Variants in MDGA2 observed in about 807,000 individuals in gnomAD.
MDGA2 encodes MAM domain-containing glycosylphosphatidylinositol anchor protein 2.
In MDGA2, 40 loss-of-function variants were observed where a neutral mutation model predicts 117.8. The observed-to-expected ratio is 0.34, with a 90% confidence interval of 0.26 to 0.44. The LOEUF (loss-of-function observed/expected upper bound fraction) is 0.44. MDGA2 is among the 20% of genes least tolerant of loss of function. The pLI, the probability that MDGA2 is intolerant of heterozygous loss-of-function variation, is 1.00. For missense variants in MDGA2, 1,123 were observed against 1,250.6 expected, an observed-to-expected ratio of 0.90 and a Z score of 1.54; for synonymous variants, 452 against 439.0, an observed-to-expected ratio of 1.03 and a Z score of -0.37.
chr14:47,488,485 T>C (rs749583189), intron 1 of MDGA2, among the ~76,000 whole-genome samples: 5 of 152,140 alleles, frequency 3.3e-5, no homozygotes, highest in Non-Finnish European at 7.4e-5. Context: ...TGAATGCCAC[T>C]TCTTTTATAA....
intron 1 of MDGA2, among the ~76,000 whole-genome samples, chr14:47,535,327 G>C (rs551534253): frequency 2.0e-5 from 3 of 152,212 alleles, no homozygotes; most frequent in Non-Finnish European, 4.4e-5. Context: ...TGGGCATGCA[G>C]ATGTAAGTTA....
intron 10 of MDGA2, among the ~76,000 whole-genome samples, chr14:46,910,769 T>C (rs891545701): frequency 2.0e-5 from 3 of 152,112 alleles, no homozygotes; most frequent in African/African-American, 4.8e-5. Flanking sequence ...GTAGACTGGA[T>C]AAACAAAACG....
At position 47,035,145 on chromosome 14, in the gene MDGA2, A is replaced by G. The variant is rs750186100; in HGVS notation, c.1685T>C (p.Met562Thr). Residue 562 changes from methionine to threonine, a missense_variant, in exon 8 of 17, where the codon ATG becomes ACG. By Grantham distance (81) the Met-to-Thr change is moderately conservative (BLOSUM62 -1). Around this residue, in one of 2 missense-constraint regions of MDGA2, gnomAD observed 890 missense variants for 1,050.3 expected, o/e 0.85. Coordinates refer to ENST00000399232, the MANE Select transcript of MDGA2 (RefSeq NM_001113498.3). ...EVAMPDGSMQ[M>T]ESYDGTLRIV... ...CCTCAGTGTTCCATCATAACTCTCCATTTGCATTGATCCATCAGGCATTGC... is the reference window on the plus strand; with the variant it reads ...CCTCAGTGTTCCATCATAACTCTCCGTTTGCATTGATCCATCAGGCATTGC... 1 of 1,614,068 alleles carries G rather than the reference A, an allele frequency of 6.2e-7. No homozygotes were observed. The highest frequency in any genetic ancestry group is 2.2e-5 in the East Asian group (1 of 44,850).
At chr14:47,569,136 C>T (rs566887503) in intron 1 of MDGA2, among the ~76,000 whole-genome samples, 1 of 151,762 alleles carries the variant, frequency 6.6e-6, no homozygotes, top group Non-Finnish European at 1.5e-5. Context: ...TCTGTCAGCA[C>T]CATAAGACAG....
intron 8 of MDGA2, among the ~76,000 whole-genome samples, chr14:46,988,133 G>A (rs1451174044): frequency 6.6e-6 from 1 of 151,926 alleles, no homozygotes; most frequent in Non-Finnish European, 1.5e-5. Context: ...ATATATGAAT[G>A]TATGAGAAGG....
At chr14:47,259,118 G>GT (rs1887714031) in intron 2 of MDGA2, among the ~76,000 whole-genome samples, 1 of 151,424 alleles carries the variant, frequency 6.6e-6, no homozygotes, top group East Asian at 2.0e-4. Flanking sequence ...GCCCTGGAGC[G>GT]TTTTTGTTGT....
intron 1 of MDGA2, among the ~76,000 whole-genome samples, chr14:47,619,736 G>T (rs896110903): frequency 4.6e-5 from 7 of 152,218 alleles, no homozygotes; most frequent in African/African-American, 1.7e-4. Flanking sequence ...AAAAGGCTGT[G>T]AATTTTATGT....
intron 1 of MDGA2, among the ~76,000 whole-genome samples, chr14:47,323,934 T>C (rs1890062916): frequency 6.6e-6 from 1 of 152,082 alleles, no homozygotes; most frequent in African/African-American, 2.4e-5. Context: ...AGCTACTCTA[T>C]ACAAAATGGT....
At chr14:47,203,273 G>A (rs1215263234) in intron 3 of MDGA2, among the ~76,000 whole-genome samples, 1 of 151,954 alleles carries the variant, frequency 6.6e-6, no homozygotes, top group Non-Finnish European at 1.5e-5. Flanking sequence ...GGGAGTTCAG[G>A]AGGGAGGGCC....
At chr14:47,177,364 C>T (rs546321752) in intron 3 of MDGA2, among the ~76,000 whole-genome samples, 36 of 152,166 alleles carry the variant, frequency 2.4e-4, no homozygotes, top group Admixed American at 7.2e-4. Flanking sequence ...ATGTTTACTG[C>T]GGCACTATTC....
At chr14:46,994,306 C>T (rs1566564632) in intron 8 of MDGA2, among the ~76,000 whole-genome samples, 1 of 152,106 alleles carries the variant, frequency 6.6e-6, no homozygotes, top group African/African-American at 2.4e-5. Context: ...CTACAATAAT[C>T]TGTAACTTTA....
At chr14:47,284,382 A>T (rs369491139) in intron 2 of MDGA2, among the ~76,000 whole-genome samples, 1 of 152,186 alleles carries the variant, frequency 6.6e-6, no homozygotes, top group South Asian at 2.1e-4. Context: ...CTGAGAATGG[A>T]AAAACAAACT....
intron 1 of MDGA2, among the ~76,000 whole-genome samples, chr14:47,312,823 C>T (rs575922366): frequency 6.7e-6 from 1 of 148,724 alleles, no homozygotes; most frequent in Non-Finnish European, 1.5e-5. Flanking sequence ...AGCCACCATG[C>T]CTGGCCTATC....
chr14:47,162,620 T>C (rs1378447067), intron 3 of MDGA2, among the ~76,000 whole-genome samples: 1 of 152,206 alleles, frequency 6.6e-6, no homozygotes, highest in African/African-American at 2.4e-5. Context: ...GGATTTTCAG[T>C]AAGCACAGCT....
At chr14:47,545,139 A>G (rs1180855275) in intron 1 of MDGA2, among the ~76,000 whole-genome samples, 1 of 152,174 alleles carries the variant, frequency 6.6e-6, no homozygotes, top group East Asian at 1.9e-4. Flanking sequence ...TCTGTGACAA[A>G]TGAGTTTCAT....
Position 47,670,221 on chromosome 14 carries a change from T to C in MDGA2, c.280+4296A>G, listed in dbSNP as rs530184260. Among the ~76,000 whole-genome samples the C allele has an allele frequency of 4.6e-5, 7 of 152,326 alleles. No individual in the cohort carries two copies. In the East Asian group the frequency reaches 1.4e-3, roughly 29 times the overall value. ...CTTCTAATGCATTCTGAAAGCTATT[T>C]TTGGACAGTGAATTAACCATTTCAG... is the stretch of plus-strand genomic sequence containing the variant. On this transcript the variant is annotated intron_variant, in intron 1 of 16. Transcript: ENST00000399232.
rs1350890835 is a variant in MDGA2 at position 47,273,366 on chromosome 14, T to A, written c.420+28045A>T. On this transcript the variant is annotated intron_variant, in intron 2 of 16. Transcript: ENST00000399232. Reference sequence around the variant, plus strand: ...GAATAACAATATTTTAGTGGTTCAGTCCAGCTCTTTTGCTCAAGTATACTG... The same window carrying A: ...GAATAACAATATTTTAGTGGTTCAGACCAGCTCTTTTGCTCAAGTATACTG... 1.3e-5 allele frequency among the ~76,000 whole-genome samples: 2 copies of A among 152,216 alleles called. 1 individual carries two copies. Among genetic ancestry groups the A allele is most frequent in the South Asian group, 4.1e-4 (2 of 4,826 alleles).
intron 1 of MDGA2, among the ~76,000 whole-genome samples, chr14:47,363,105 T>C (rs1222878357): frequency 6.6e-6 from 1 of 152,174 alleles, no homozygotes; most frequent in Admixed American, 6.5e-5. Flanking sequence ...TTGGTAATGA[T>C]ATAAATATCT....
At chr14:47,333,868 A>C (rs1890364729) in intron 1 of MDGA2, among the ~76,000 whole-genome samples, 1 of 151,838 alleles carries the variant, frequency 6.6e-6, no homozygotes, top group Non-Finnish European at 1.5e-5. Flanking sequence ...TTTAAAATAT[A>C]TTTGTAGTAG....
Sources: allele counts gnomAD v4.1 joint callset (sites outside exome capture counted in the v4.1 genomes callset), GRCh38; gene constraint gnomAD v4.1.1; regional missense constraint gnomAD v4.1.1; transcripts MANE v1.5; gene names NCBI Gene and HGNC (gene_info 2026-07-23, HGNC 2026-07-21).